The following MAGI2 variants were observed in gnomAD, a reference collection of about 807,000 sequenced individuals.
MAGI2 encodes the protein membrane associated guanylate kinase, WW and PDZ domain containing 2, also known as membrane-associated guanylate kinase, WW and PDZ domain-containing protein 2.
MAGI2 carries 35 observed loss-of-function variants against 133.3 expected under a neutral mutation model. That is an observed-to-expected ratio of 0.26 (90% CI 0.20 to 0.35). The LOEUF (loss-of-function observed/expected upper bound fraction) is 0.35. Among genes scored for constraint, MAGI2 ranks in the 10% least tolerant of loss-of-function variants. The pLI is 1.00. For missense variants in MAGI2, 1,636 were observed against 1,863.4 expected (o/e 0.88, Z 2.25); for synonymous variants, 729 against 710.6 (o/e 1.03, Z -0.41).
intron 2 of MAGI2, among the ~76,000 whole-genome samples, chr7:79,006,320 T>G (rs746848848): frequency 1.1e-4 from 16 of 152,166 alleles, no homozygotes; most frequent in Non-Finnish European, 2.4e-4. Flanking sequence ...CAGCCCAGAA[T>G]TTCTAGAGAG....
chr7:78,193,227 G>A (rs1000324897), intron 12 of MAGI2, among the ~76,000 whole-genome samples: 7 of 152,172 alleles, frequency 4.6e-5, no homozygotes, highest in East Asian at 1.9e-4. Flanking sequence ...CTAGGAAATT[G>A]CAAAAAAGAT....
chr7:78,284,135 A>G (rs955706787), intron 9 of MAGI2, among the ~76,000 whole-genome samples: 4 of 152,170 alleles, frequency 2.6e-5, no homozygotes, highest in Non-Finnish European at 5.9e-5. Context: ...CACACAGTAT[A>G]TAACATGGTG....
chr7:78,577,050 A>C (rs1241826936), intron 3 of MAGI2, among the ~76,000 whole-genome samples: 1 of 152,190 alleles, frequency 6.6e-6, no homozygotes, highest in Admixed American at 6.5e-5. Context: ...TCAGCCATGC[A>C]CAGGATATTG....
chr7:78,686,880 C>T (rs1277867264), intron 2 of MAGI2, among the ~76,000 whole-genome samples: 1 of 152,174 alleles, frequency 6.6e-6, no homozygotes, highest in African/African-American at 2.4e-5. Context: ...AAAAGTGAAA[C>T]ATTCCCCTTC....
chr7:79,109,160 CT>C (rs1390775015), intron 1 of MAGI2, among the ~76,000 whole-genome samples: 1 of 152,132 alleles, frequency 6.6e-6, no homozygotes, highest in Non-Finnish European at 1.5e-5. Flanking sequence ...TATAAAGATA[CT>C]TGAAAATCTG....
Position 78,238,511 on chromosome 7 carries a change from G to A in MAGI2, c.2047+17432C>T, listed in dbSNP as rs562506668. Among the ~76,000 whole-genome samples, 30 of 151,346 alleles carry A rather than the reference G, an allele frequency of 2.0e-4. No individual in the cohort carries two copies. The South Asian group carries it at 5.9e-3, about 30-fold the overall frequency. On this transcript the variant is annotated intron_variant, in intron 10 of 21. Coordinates refer to ENST00000354212, the MANE Select transcript of MAGI2 (RefSeq NM_012301.4). Reference sequence around the variant, plus strand: ...AGCCCAGGAGTTCGAGGCTAGCCTGGGCAAAATAACGAGAACCTGTCTCAA... The same window carrying A: ...AGCCCAGGAGTTCGAGGCTAGCCTGAGCAAAATAACGAGAACCTGTCTCAA...
chr7:78,176,701 G>GGCA (rs763858163), intron 14 of MAGI2, among the ~76,000 whole-genome samples: 1 of 151,458 alleles, frequency 6.6e-6, no homozygotes, highest in East Asian at 1.9e-4. Context: ...TATTTTCTGG[G>GGCA]GCCAGGCATG....
Position 78,019,647 on chromosome 7 carries a change from C to G in MAGI2, c.4036G>C (p.Glu1346Gln). ...GRPEAGRPAS[E>Q]ARAPGLAAAD... ...GCCGCGAGCCCGGGCGCCCTGGCCT[C>G]CGAGGCGGGCCTGCCGGCCTCGGGC... The change falls in exon 22 of 22, where the codon GAG becomes CAG. Residue 1346 changes from glutamate to glutamine, a missense_variant. Coordinates refer to ENST00000354212, the MANE Select transcript of MAGI2 (RefSeq NM_012301.4). 1 of 1,117,170 alleles carries G rather than the reference C, an allele frequency of 9.0e-7. No homozygotes were observed. The highest frequency in any genetic ancestry group is 1.1e-6 in the Non-Finnish European group (1 of 917,600). The allele number at this position is 1,117,170 out of a possible 1,614,324, so 69.2% of individuals were successfully genotyped here. A position where few individuals can be genotyped will look rare whatever the true frequency, so the allele number is the denominator to read the frequency against.
intron 1 of MAGI2, among the ~76,000 whole-genome samples, chr7:79,092,881 A>T (rs1489300022): frequency 6.6e-6 from 1 of 151,998 alleles, no homozygotes; most frequent in East Asian, 1.9e-4. Context: ...AACCTTTTCC[A>T]GTCTCTTTTT....
chr7:79,132,723 G>A (rs1821044093), intron 1 of MAGI2, among the ~76,000 whole-genome samples: 3 of 152,018 alleles, frequency 2.0e-5, no homozygotes, highest in Admixed American at 2.0e-4. Flanking sequence ...AGTTTAAACT[G>A]TATTGTTTTT....
intron 2 of MAGI2, among the ~76,000 whole-genome samples, chr7:78,686,158 A>C (rs1384904187): frequency 6.6e-6 from 1 of 152,016 alleles, no homozygotes; most frequent in East Asian, 1.9e-4. Flanking sequence ...TAGGGGAAAA[A>C]ACAACAATGA....
chr7:79,161,799 G>A (rs980202543), intron 1 of MAGI2, among the ~76,000 whole-genome samples: 30 of 152,122 alleles, frequency 2.0e-4, no homozygotes, highest in East Asian at 1.6e-3. Context: ...AATTCAGATC[G>A]CAATTTTATG....
At chr7:79,345,223 G>A (rs368296117) in intron 1 of MAGI2, among the ~76,000 whole-genome samples, 4 of 152,144 alleles carry the variant, frequency 2.6e-5, no homozygotes, top group African/African-American at 4.8e-5. Context: ...TTATGAAAAC[G>A]AGAAATGTGG....
chr7:78,531,239 G>T (rs1797445612), intron 3 of MAGI2, among the ~76,000 whole-genome samples: 1 of 138,122 alleles, frequency 7.2e-6, no homozygotes, highest in African/African-American at 2.8e-5. Flanking sequence ...TTTTGAGACA[G>T]AGTCTCACTC....
chr7:78,788,713 T>C (rs975827383), intron 2 of MAGI2, among the ~76,000 whole-genome samples: 1 of 152,212 alleles, frequency 6.6e-6, no homozygotes, highest in Admixed American at 6.5e-5. Flanking sequence ...TATTCAGGGA[T>C]TCTCTTTTCC....
intron 1 of MAGI2, among the ~76,000 whole-genome samples, chr7:79,033,560 G>A (rs2116836206): frequency 6.6e-6 from 1 of 152,312 alleles, no homozygotes; most frequent in Non-Finnish European, 1.5e-5. Context: ...CTCCAAAGGA[G>A]ATTACTTAGG....
chr7:78,567,529 A>G (rs1203799823), intron 3 of MAGI2, among the ~76,000 whole-genome samples: 2 of 152,192 alleles, frequency 1.3e-5, no homozygotes, highest in African/African-American at 2.4e-5. Context: ...ACATAGATGT[A>G]GAGGAAAAGA....
intron 3 of MAGI2, among the ~76,000 whole-genome samples, chr7:78,551,719 G>C (rs1475017487): frequency 6.6e-6 from 1 of 152,176 alleles, no homozygotes; most frequent in Non-Finnish European, 1.5e-5. Flanking sequence ...CGAAGTATAA[G>C]TGGCTTTTAC....
intron 20 of MAGI2, among the ~76,000 whole-genome samples, chr7:78,111,396 C>T (rs1819346657): frequency 6.6e-6 from 1 of 152,208 alleles, no homozygotes; most frequent in Non-Finnish European, 1.5e-5. Flanking sequence ...TGCCAAGATG[C>T]AATCTCAGCC....
Sources: gnomAD v4.1 joint callset for allele counts (sites outside exome capture counted in the v4.1 genomes callset) on GRCh38, gnomAD v4.1.1 for gene constraint, MANE v1.5 for transcripts, NCBI Gene and HGNC (gene_info 2026-07-23, HGNC 2026-07-21) for gene names.